GRM8: variants seen among roughly 807,000 people sequenced by gnomAD.
GRM8 encodes the protein metabotropic glutamate receptor 8.
A neutral mutation model predicts 87.2 loss-of-function variants in GRM8; 47 were observed. The ratio of observed to expected loss-of-function variants is 0.54; its 90% CI spans 0.43 to 0.69. The LOEUF (loss-of-function observed/expected upper bound fraction) is 0.69, where lower values mean the gene tolerates loss of function less well. Among genes scored for constraint, GRM8 ranks in the 30% least tolerant of loss-of-function variants. The pLI is 0.00. For synonymous variants in GRM8, 396 were observed against 404.5 expected (o/e 0.98, Z 0.25); for missense variants, 1,019 against 1,139.2 (o/e 0.89, Z 1.52).
rs75469069 is a variant in GRM8, at chr7:127,103,644, T to A, written c.727+2852A>T. Among the ~76,000 whole-genome samples the A allele has an allele frequency of 2.3e-3, 355 of 152,356 alleles. 2 individuals carry two copies. Among genetic ancestry groups the A allele is most frequent in the African/African-American group, 6.7e-3 (279 of 41,588 alleles). ...AGGATAAAATAAACACCCTATGATT[T>A]GAAATAATCATGTGTCTATGTCAAA... On this transcript the variant is annotated intron_variant, in intron 3 of 10. Transcript: ENST00000339582.
rs530580461 is a variant in GRM8 at position 126,460,827 on chromosome 7, A to G, written c.2431-14455T>C. ...ACAGCTTCTAGGACCATTTCATGAC[A>G]GTCATTACCTTGCTGGTAGCCCTGC... On this transcript the variant is annotated intron_variant, in intron 9 of 10. Coordinates refer to ENST00000339582, the MANE Select transcript of GRM8 (RefSeq NM_000845.3). Among the ~76,000 whole-genome samples, 3 of 151,712 alleles carry G rather than the reference A, an allele frequency of 2.0e-5. No individual in the cohort carries two copies. In the South Asian group the frequency reaches 6.2e-4, roughly 31 times the overall value.
At chr7:126,938,941 C>A (rs1806614431) in intron 3 of GRM8, among the ~76,000 whole-genome samples, 1 of 152,180 alleles carries the variant, frequency 6.6e-6, no homozygotes, top group Non-Finnish European at 1.5e-5. Flanking sequence ...CTTACCTAGA[C>A]TCTCTAAGCC....
At chr7:126,843,884 T>G (rs552851700) in intron 6 of GRM8, among the ~76,000 whole-genome samples, 1 of 152,244 alleles carries the variant, frequency 6.6e-6, no homozygotes, top group Non-Finnish European at 1.5e-5. Flanking sequence ...TTTTTCTTCC[T>G]GAACACACTG....
At chr7:126,838,420 C>T (rs901902265) in intron 6 of GRM8, among the ~76,000 whole-genome samples, 14 of 152,234 alleles carry the variant, frequency 9.2e-5, no homozygotes, top group African/African-American at 3.1e-4. Flanking sequence ...GGTTTTTGCA[C>T]TTATATGCAG....
intron 3 of GRM8, chr7:127,084,249 AT>A (rs1823210897): frequency 6.6e-6 from 1 of 152,224 alleles, no homozygotes; most frequent in Non-Finnish European, 1.5e-5. Context: ...GCAAGGCAGA[AT>A]GGATTGGTAG....
At chr7:126,446,448 C>A in intron 9 of GRM8, 76 bp from the exon 10 acceptor site, 5 of 996,144 alleles carry the variant, frequency 5.0e-6, no homozygotes, top group African/African-American at 1.6e-5. Context: ...ATACTATTTT[C>A]TAAAATTGTT....
intron 7 of GRM8, among the ~76,000 whole-genome samples, chr7:126,666,899 T>A (rs1403277311): frequency 2.0e-5 from 3 of 152,164 alleles, no homozygotes; most frequent in African/African-American, 7.2e-5. Flanking sequence ...TTAATATACT[T>A]GATTATGGGA....
At chr7:126,749,955 T>C (rs1241814405) in intron 7 of GRM8, among the ~76,000 whole-genome samples, 1 of 152,194 alleles carries the variant, frequency 6.6e-6, no homozygotes, top group South Asian at 2.1e-4. Context: ...TTAAATGTCT[T>C]CTTACCATAG....
At position 126,599,254 on chromosome 7, in the gene GRM8, T is replaced by C. The variant is rs1379074765; in HGVS notation, c.1494+10108A>G. 3.3e-5 allele frequency among the ~76,000 whole-genome samples: 5 copies of C among 152,246 alleles called. 1 individual carries two copies. The highest frequency in any genetic ancestry group is 1.2e-4 in the African/African-American group (5 of 41,562). The stretch of plus-strand genomic sequence containing the variant: ...TGCTCCTGTGTGTAACTTTGGACTT[T>C]CCCTCAGATTCTATCTGGCCTGATT... On this transcript the variant is annotated intron_variant, in intron 8 of 10. Transcript: ENST00000339582.
At chr7:127,099,260 G>C (rs1248430949) in intron 3 of GRM8, among the ~76,000 whole-genome samples, 2 of 152,162 alleles carry the variant, frequency 1.3e-5, no homozygotes, top group Non-Finnish European at 2.9e-5. Context: ...TAATAGCTGA[G>C]TGTTGTGTAA....
chr7:126,642,211 G>A (rs754010502), intron 7 of GRM8, among the ~76,000 whole-genome samples: 2 of 152,178 alleles, frequency 1.3e-5, no homozygotes, highest in African/African-American at 2.4e-5. Context: ...TGGTTGTGAG[G>A]AGCACATTGC....
At chr7:126,857,597 C>A (rs1018515110) in intron 6 of GRM8, among the ~76,000 whole-genome samples, 1 of 152,218 alleles carries the variant, frequency 6.6e-6, no homozygotes, top group Admixed American at 6.5e-5. Flanking sequence ...CTTGGAGCAA[C>A]ACGTGTCAGG....
intron 3 of GRM8, among the ~76,000 whole-genome samples, chr7:127,067,186 G>A (rs1246455224): frequency 1.3e-5 from 2 of 152,094 alleles, no homozygotes; most frequent in African/African-American, 4.8e-5. Context: ...ACCTCCCTCT[G>A]GTGGCCAAGA....
chr7:126,727,147 G>C (rs1406972524), intron 7 of GRM8, among the ~76,000 whole-genome samples: 1 of 151,430 alleles, frequency 6.6e-6, no homozygotes, highest in Admixed American at 6.6e-5. Context: ...GTAGGTAAAT[G>C]ACATAAATAT....
At chr7:126,832,245 C>T (rs1400470030) in intron 6 of GRM8, among the ~76,000 whole-genome samples, 1 of 150,714 alleles carries the variant, frequency 6.6e-6, no homozygotes, top group East Asian at 1.9e-4. Flanking sequence ...GATCCCTTAT[C>T]TACTCAGGCC....
At chr7:127,024,452 C>G (rs745649882) in intron 3 of GRM8, among the ~76,000 whole-genome samples, 1 of 151,818 alleles carries the variant, frequency 6.6e-6, no homozygotes. Flanking sequence ...GATGTTAATA[C>G]GATAGTCAGA....
chr7:126,648,146 G>A lies in GRM8; in HGVS notation c.1358-38648C>T, dbSNP rs116534277. ...CTGTTTACTCTGCCAGGAAGGTGCT[G>A]CCCACCTGATCTGACCTCATTGCAA... On this transcript the variant is annotated intron_variant, in intron 7 of 10. Transcript: ENST00000339582. Among the ~76,000 whole-genome samples the A allele has an allele frequency of 1.5e-3, 230 of 152,152 alleles. 1 individual carries two copies. The highest frequency in any genetic ancestry group is 5.4e-3 in the African/African-American group (223 of 41,504).
chr7:126,865,034 T>C (rs1798472384), intron 6 of GRM8, among the ~76,000 whole-genome samples: 1 of 152,222 alleles, frequency 6.6e-6, no homozygotes, highest in Non-Finnish European at 1.5e-5. Flanking sequence ...TTCCTAAGGC[T>C]GTGGAGACTT....
chr7:126,988,857 T>A lies in GRM8; in HGVS notation c.728-84174A>T, dbSNP rs577874444. On this transcript the variant is annotated intron_variant, in intron 3 of 10. Transcript: ENST00000339582. ...AAATAGTCAAGTTGGCTTTGGCATTTAGGTAGGACCAGTAGGTCCATAAAG... is the reference window on the plus strand; with the variant it reads ...AAATAGTCAAGTTGGCTTTGGCATTAAGGTAGGACCAGTAGGTCCATAAAG... Among the ~76,000 whole-genome samples the A allele has an allele frequency of 2.0e-5, 3 of 152,198 alleles. No homozygotes were observed. The South Asian group carries it at 6.2e-4, about 31-fold the overall frequency.
Sources: allele counts gnomAD v4.1 joint callset (sites outside exome capture counted in the v4.1 genomes callset), GRCh38; gene constraint gnomAD v4.1.1; transcripts MANE v1.5; gene names NCBI Gene and HGNC (gene_info 2026-07-23, HGNC 2026-07-21).